The following TRIO variants were observed in gnomAD, a reference collection of about 807,000 sequenced individuals.
The protein encoded by TRIO is trio Rho guanine nucleotide exchange factor.
A neutral mutation model predicts 351.9 loss-of-function variants in TRIO; 58 were observed. That is an observed-to-expected ratio of 0.16 (90% CI 0.13 to 0.21). The LOEUF (loss-of-function observed/expected upper bound fraction) is 0.21, where lower values mean the gene tolerates loss of function less well. TRIO is among the 10% of genes least tolerant of loss of function. The pLI is 1.00. For synonymous variants in TRIO, 1,758 were observed against 1,595.7 expected, an observed-to-expected ratio of 1.10 and a Z score of -2.42; for missense variants, 3,201 against 4,027.8, an observed-to-expected ratio of 0.79 and a Z score of 5.56.
chr5:14,485,232 G>T lies in TRIO; in HGVS notation c.6821G>T (p.Arg2274Leu), dbSNP rs377126633. 9.5e-6 allele frequency: 15 copies of T among 1,577,126 alleles called. No homozygotes were observed. In the African/African-American group the frequency reaches 1.8e-4, roughly 19 times the overall value. Residue 2274 changes from arginine to leucine, a missense_variant, in exon 47 of 57, where the codon CGC (arginine) becomes CTC (leucine). Arg to Leu is a moderately radical substitution (Grantham distance 102, BLOSUM62 -2). Around this residue, in one of 19 missense-constraint regions of TRIO, gnomAD observed 1,089 missense variants for 954.9 expected, o/e 1.14. Coordinates refer to ENST00000344204, the MANE Select transcript of TRIO (RefSeq NM_007118.4). Reference protein sequence around the residue: ...HEINQILENQRNFLNALTSPI... With the variant: ...HEINQILENQLNFLNALTSPI... Reference sequence around the variant, plus strand: ...ATCAACCAAATTTTAGAAAACCAGCGCAATTTTTTAAATGGTAATGTGTGT... The same window carrying T: ...ATCAACCAAATTTTAGAAAACCAGCTCAATTTTTTAAATGGTAATGTGTGT...
chr5:14,450,029 T>A (rs933845352), intron 34 of TRIO, among the ~76,000 whole-genome samples: 1 of 152,220 alleles, frequency 6.6e-6, no homozygotes, highest in Non-Finnish European at 1.5e-5. Flanking sequence ...AGTCTTGCAT[T>A]TGTCTACATA....
intron 34 of TRIO, among the ~76,000 whole-genome samples, chr5:14,456,803 G>A (rs996576419): frequency 1.4e-4 from 21 of 152,134 alleles, no homozygotes; most frequent in African/African-American, 3.6e-4. Flanking sequence ...TTTAAAATTC[G>A]CATCAAAGTA....
intron 1 of TRIO, among the ~76,000 whole-genome samples, chr5:14,152,750 G>A (rs1023946884): frequency 2.0e-5 from 3 of 152,196 alleles, no homozygotes; most frequent in African/African-American, 7.2e-5. Flanking sequence ...CAGGAGCCTG[G>A]AGAACGGGTG....
At chr5:14,432,676 C>T (rs1267087353) in intron 34 of TRIO, among the ~76,000 whole-genome samples, 3 of 152,174 alleles carry the variant, frequency 2.0e-5, no homozygotes, top group South Asian at 2.1e-4. Flanking sequence ...GAACTTTACT[C>T]ACAATGAGCA....
intron 12 of TRIO, 138 bp downstream of exon 12, chr5:14,358,485 A>G: frequency 1.1e-6 from 1 of 930,538 alleles, no homozygotes. Flanking sequence ...TGTGAAGGCA[A>G]AGGAGAGAGA....
intron 34 of TRIO, among the ~76,000 whole-genome samples, chr5:14,421,227 A>ATTTAT (rs77834736): frequency 0.28 from 33,370 of 117,640 alleles, 5,205 homozygotes; most frequent in East Asian, 0.5. Context: ...TTATTTATTT[A>ATTTAT]TTTATTTTAT....
intron 40 of TRIO, 79 bp from the exon 41 acceptor site, chr5:14,476,815 A>G (rs980851283): frequency 2.3e-6 from 3 of 1,296,988 alleles, no homozygotes; most frequent in Non-Finnish European, 3.2e-6. Flanking sequence ...AAAAAAAGAA[A>G]AAGAAAAAAT....
At chr5:14,467,244 G>C (rs971644964) in intron 37 of TRIO, among the ~76,000 whole-genome samples, 1 of 152,270 alleles carries the variant, frequency 6.6e-6, no homozygotes, top group East Asian at 1.9e-4. Context: ...CTTCTTTAAA[G>C]TTAGAAGTTT....
intron 2 of TRIO, among the ~76,000 whole-genome samples, chr5:14,273,423 T>A (rs904398831): frequency 1.3e-5 from 2 of 152,216 alleles, no homozygotes; most frequent in Non-Finnish European, 2.9e-5. Context: ...TTCCTTCATT[T>A]AGGATGAACT....
At position 14,186,110 on chromosome 5, in the gene TRIO, T is replaced by C. The variant is rs147266471; in HGVS notation, c.157+42228T>C. On this transcript the variant is annotated intron_variant, in intron 1 of 56. Coordinates refer to ENST00000344204, the MANE Select transcript of TRIO (RefSeq NM_007118.4). ...GTTGACTAGATTCATGGGACTATGC[T>C]GGAAAATAAATTGTAAACTCAAGTG... Among the ~76,000 whole-genome samples the C allele has an allele frequency of 4.3e-4, 65 of 152,318 alleles. 1 individual carries two copies. In the East Asian group the frequency reaches 0.01, roughly 24 times the overall value.
intron 1 of TRIO, among the ~76,000 whole-genome samples, chr5:14,182,801 A>G (rs891101080): frequency 1.3e-5 from 2 of 151,964 alleles, no homozygotes; most frequent in African/African-American, 4.8e-5. Flanking sequence ...GATGATTTTT[A>G]AAAATCCTTC....
chr5:14,402,617 G>A (rs1415358419), intron 31 of TRIO, among the ~76,000 whole-genome samples: 1 of 151,984 alleles, frequency 6.6e-6, no homozygotes, highest in Non-Finnish European at 1.5e-5. Flanking sequence ...TGGTGGTATG[G>A]ATTTTGGTGG....
intron 13 of TRIO, among the ~76,000 whole-genome samples, chr5:14,363,001 CTT>C (rs34314596): frequency 2.0e-4 from 27 of 136,036 alleles, no homozygotes; most frequent in Non-Finnish European, 2.0e-4. Flanking sequence ...TTTCTATCTA[CTT>C]TTTTTTTTTT....
chr5:14,171,616 G>A (rs1789100924), intron 1 of TRIO, among the ~76,000 whole-genome samples: 1 of 152,182 alleles, frequency 6.6e-6, no homozygotes, highest in Non-Finnish European at 1.5e-5. Context: ...GGTGTGGGTA[G>A]GTTGCTTCAG....
chr5:14,488,032 C>G lies in TRIO; in HGVS notation c.7404C>G (p.Leu2468=), dbSNP rs1260155256. The change falls in exon 48 of 57, where the codon CTC becomes CTG. Residue 2468 remains leucine, a synonymous_variant. Transcript: ENST00000344204. Reference sequence around the variant, plus strand: ...CGCTCTCCAGCGCGGTCCCTTCTCTCGGCAAGGAGCCCTTCCCCCCCAGCA... The same window carrying G: ...CGCTCTCCAGCGCGGTCCCTTCTCTGGGCAAGGAGCCCTTCCCCCCCAGCA... ...NSPLSSAVPS[L]GKEPFPPSSP... The G allele has an allele frequency of 5.0e-6, 8 of 1,603,468 alleles. No individual in the cohort carries two copies. In the Admixed American group the frequency reaches 1.0e-4, roughly 20 times the overall value.
intron 38 of TRIO, among the ~76,000 whole-genome samples, chr5:14,471,938 T>C (rs542631187): frequency 6.6e-6 from 1 of 151,772 alleles, no homozygotes; most frequent in East Asian, 1.9e-4. Context: ...AAACGTAAGC[T>C]ACGAAACGGC....
At chr5:14,322,230 A>C (rs192268032) in intron 9 of TRIO, among the ~76,000 whole-genome samples, 1 of 152,338 alleles carries the variant, frequency 6.6e-6, no homozygotes, top group African/African-American at 2.4e-5. Context: ...AATTTTGCTA[A>C]TTAAAGATTC....
intron 1 of TRIO, among the ~76,000 whole-genome samples, chr5:14,223,235 A>G (rs949726836): frequency 6.6e-6 from 1 of 152,178 alleles, no homozygotes; most frequent in African/African-American, 2.4e-5. Context: ...TTGGAAAAAT[A>G]GTATTTCCTG....
intron 1 of TRIO, among the ~76,000 whole-genome samples, chr5:14,185,612 TAGGAA>T (rs1027602869): frequency 6.6e-6 from 1 of 151,950 alleles, no homozygotes; most frequent in Non-Finnish European, 1.5e-5. Flanking sequence ...GCCAAATGCC[TAGGAA>T]AGGGTGGGGA....
Sources: gnomAD v4.1 joint callset for allele counts (sites outside exome capture counted in the v4.1 genomes callset) on GRCh38, gnomAD v4.1.1 for gene constraint, gnomAD v4.1.1 regional missense constraint, MANE v1.5 for transcripts, NCBI Gene and HGNC (gene_info 2026-07-23, HGNC 2026-07-21) for gene names.